The following CTNNA2 variants were observed in gnomAD, a reference collection of about 807,000 sequenced individuals.
The protein encoded by CTNNA2 is catenin alpha-2.
A neutral mutation model predicts 101.0 loss-of-function variants in CTNNA2; 42 were observed. The ratio of observed to expected loss-of-function variants is 0.42; its 90% CI spans 0.32 to 0.54. The LOEUF (loss-of-function observed/expected upper bound fraction) is 0.54, where lower values mean the gene tolerates loss of function less well. CTNNA2 is among the 20% of genes least tolerant of loss of function. The pLI, the probability that CTNNA2 is intolerant of heterozygous loss-of-function variation, is 0.14. For missense variants in CTNNA2, 871 were observed against 1,223.1 expected, an observed-to-expected ratio of 0.71 and a Z score of 4.29; for synonymous variants, 450 against 456.4, an observed-to-expected ratio of 0.99 and a Z score of 0.18.
intron 7 of CTNNA2, among the ~76,000 whole-genome samples, chr2:80,378,051 T>C (rs1451821315): frequency 6.6e-6 from 1 of 152,098 alleles, no homozygotes; most frequent in Non-Finnish European, 1.5e-5. Context: ...GGAGAGTACC[T>C]GCTTACAAAT....
chr2:80,343,534 AAC>A (rs1672433970), intron 7 of CTNNA2, among the ~76,000 whole-genome samples: 3 of 152,286 alleles, frequency 2.0e-5, no homozygotes, highest in South Asian at 4.1e-4. Flanking sequence ...TTACTTCTGT[AAC>A]ACTGTTTTTA....
intron 2 of CTNNA2, among the ~76,000 whole-genome samples, chr2:79,656,338 C>T (rs943273791): frequency 1.3e-5 from 2 of 152,104 alleles, no homozygotes; most frequent in African/African-American, 4.8e-5. Flanking sequence ...GGGAACCAAA[C>T]CAAGGCCCCA....
rs188390027 is a variant in CTNNA2, at chr2:79,215,128, G to C, written c.-406+17052G>C. ...GGAAGGAGTCAGTCAGAGCGCCTTGGGCCAGAGTTCCAGGGGCTCTGGGAG... is the reference window on the plus strand; with the variant it reads ...GGAAGGAGTCAGTCAGAGCGCCTTGCGCCAGAGTTCCAGGGGCTCTGGGAG... On this transcript the variant is annotated intron_variant, in intron 2 of 21. Coordinates refer to the CTNNA2 transcript ENST00000466387. Among the ~76,000 whole-genome samples the C allele has an allele frequency of 5.5e-3, 832 of 152,256 alleles. 9 individuals are homozygous for C. The highest frequency in any genetic ancestry group is 0.019 in the African/African-American group (802 of 41,568).
intron 17 of CTNNA2, 71 bp from the exon 18 acceptor site, chr2:80,619,014 G>A (rs1203661152): frequency 2.8e-6 from 3 of 1,068,720 alleles, no homozygotes; most frequent in African/African-American, 1.7e-5. Flanking sequence ...CCCTTCCCAA[G>A]TAGGGTACTT....
chr2:80,089,895 A>T (rs1410432863), intron 7 of CTNNA2, among the ~76,000 whole-genome samples: 1 of 151,976 alleles, frequency 6.6e-6, no homozygotes, highest in Non-Finnish European at 1.5e-5. Flanking sequence ...TCCAAGCTGG[A>T]GGACTTTCAT....
chr2:80,025,005 C>A (rs1337310061), intron 7 of CTNNA2, among the ~76,000 whole-genome samples: 1 of 152,144 alleles, frequency 6.6e-6, no homozygotes, highest in Non-Finnish European at 1.5e-5. Context: ...AGATAATCTT[C>A]CCCTCGAGTT....
chr2:79,269,715 C>A (rs894949368), intron 2 of CTNNA2, among the ~76,000 whole-genome samples: 2 of 152,116 alleles, frequency 1.3e-5, no homozygotes, highest in African/African-American at 4.8e-5. Flanking sequence ...TCTGGGCTCC[C>A]CTAAGCACAG....
At chr2:79,991,642 TAATTTC>T (rs1340795092) in intron 7 of CTNNA2, among the ~76,000 whole-genome samples, 1 of 152,250 alleles carries the variant, frequency 6.6e-6, no homozygotes, top group Non-Finnish European at 1.5e-5. Flanking sequence ...GTACTCATCT[TAATTTC>T]TATTCAACCA....
intron 7 of CTNNA2, among the ~76,000 whole-genome samples, chr2:80,184,407 C>G (rs1705980602): frequency 6.6e-6 from 1 of 152,072 alleles, no homozygotes; most frequent in Non-Finnish European, 1.5e-5. Flanking sequence ...TGATGGCATT[C>G]TCATATTGCT....
At chr2:79,687,743 A>G (rs1027867654) in intron 2 of CTNNA2, 1 of 475,966 alleles carries the variant, frequency 2.1e-6, no homozygotes, top group African/African-American at 2.0e-5. Flanking sequence ...AAAAAATAAG[A>G]TATCCCAAAA....
chr2:79,959,048 C>T lies in CTNNA2; in HGVS notation c.1056+49251C>T, dbSNP rs182296557. ...ACCGTATCTTACTCGACTGTAGCTC[C>T]GTTTTTTTTTCTTTCTTTCTTTTCT... On this transcript the variant is annotated intron_variant, in intron 7 of 18. Coordinates refer to ENST00000402739, the MANE Select transcript of CTNNA2 (RefSeq NM_001282597.3). 2.1e-4 allele frequency among the ~76,000 whole-genome samples: 30 copies of T among 143,006 alleles called. No individual in the cohort carries two copies. The East Asian group carries it at 6.3e-3, about 30-fold the overall frequency. The allele number at this position is 143,006 out of a possible 152,430, so 93.8% of individuals were successfully genotyped here. A position where few individuals can be genotyped will look rare whatever the true frequency, so the allele number is the denominator to read the frequency against.
chr2:80,303,694 CAGCTGCGGGCACCCGCTGGG>C lies in CTNNA2; in HGVS notation c.1057-89516_1057-89497del. 6.2e-7 allele frequency: 1 copy of C among 1,609,926 alleles called. No individual in the cohort carries two copies. The highest frequency in any genetic ancestry group is 8.5e-7 in the Non-Finnish European group (1 of 1,177,740). ...ACAGCAGCCGCCCCTCGCACCGGCA[CAGCTGCGGGCACCCGCTGGG>C]GGCGGCGGGCAGCATCTGAAAGCAG... On this transcript the variant is annotated intron_variant, in intron 7 of 18. Transcript: ENST00000402739. This position sits in a 1 kb window ranked among gnomAD's most constrained non-coding sequence, Gnocchi z 7.7.
At chr2:80,152,976 C>T (rs1481645818) in intron 7 of CTNNA2, among the ~76,000 whole-genome samples, 1 of 152,304 alleles carries the variant, frequency 6.6e-6, no homozygotes, top group African/African-American at 2.4e-5. Flanking sequence ...TATAGAAGTC[C>T]TCAGAGGATC....
At chr2:79,926,871 A>G (rs992524904) in intron 7 of CTNNA2, among the ~76,000 whole-genome samples, 28 of 152,026 alleles carry the variant, frequency 1.8e-4, no homozygotes, top group Admixed American at 1.6e-3. Flanking sequence ...AGTCCCTTCC[A>G]AATAATAAAG....
At chr2:79,478,621 A>G (rs1159973328) in intron 4 of CTNNA2, among the ~76,000 whole-genome samples, 3 of 152,152 alleles carry the variant, frequency 2.0e-5, no homozygotes, top group Admixed American at 1.3e-4. Flanking sequence ...GAAAGGAAGA[A>G]ATATTTATAC....
At chr2:79,859,366 A>G (rs1447387321) in intron 4 of CTNNA2, among the ~76,000 whole-genome samples, 1 of 152,182 alleles carries the variant, frequency 6.6e-6, no homozygotes, top group Non-Finnish European at 1.5e-5. Context: ...GGAATCATCA[A>G]GAAATTACTT....
chr2:79,795,525 T>G (rs940416107), intron 3 of CTNNA2, among the ~76,000 whole-genome samples: 3 of 152,014 alleles, frequency 2.0e-5, no homozygotes, highest in African/African-American at 7.2e-5. Context: ...TTAAATCAAT[T>G]GTATTAAATT....
chr2:79,532,207 C>T (rs573852977), intron 1 of CTNNA2, among the ~76,000 whole-genome samples: 1 of 151,996 alleles, frequency 6.6e-6, no homozygotes, highest in Non-Finnish European at 1.5e-5. Context: ...ATGTGGCTCT[C>T]TCAGCCCACT....
chr2:79,280,677 GAGAGAGAA>G lies in CTNNA2; in HGVS notation c.-405-32024_-405-32017del, dbSNP rs1178863065. The stretch of plus-strand genomic sequence containing the variant: ...TGTGTAAGAGAAAGAGAGAGAGAGA[GAGAGAGAA>G]AGAGAGAGAGAGAGAGACCTATAGC... On this transcript the variant is annotated intron_variant, in intron 2 of 21. Transcript: ENST00000466387. Among the ~76,000 whole-genome samples the G allele has an allele frequency of 5.6e-3, 284 of 50,940 alleles. 5 individuals carry two copies. The highest frequency in any genetic ancestry group is 0.022 in the African/African-American group (204 of 9,208). 33.4% of individuals were successfully genotyped at this position (50,940 alleles called of 152,430 possible). A position where few individuals can be genotyped will look rare whatever the true frequency, so the allele number is the denominator to read the frequency against.
Sources: allele counts gnomAD v4.1 joint callset (sites outside exome capture counted in the v4.1 genomes callset), GRCh38; gene constraint gnomAD v4.1.1; non-coding constraint Gnocchi (gnomAD v3.1); transcripts MANE v1.5; gene names NCBI Gene and HGNC (gene_info 2026-07-23, HGNC 2026-07-21).